Variants in EIF4ENIF1 observed in about 807,000 individuals in gnomAD.
The protein encoded by EIF4ENIF1 is eukaryotic translation initiation factor 4E nuclear import factor 1.
EIF4ENIF1 carries 23 observed loss-of-function variants against 110.5 expected under a neutral mutation model. That is an observed-to-expected ratio of 0.21 (90% CI 0.15 to 0.29). The LOEUF is 0.29. EIF4ENIF1 is among the 10% of genes least tolerant of loss of function. The pLI is 1.00. For missense variants in EIF4ENIF1, 1,031 were observed against 1,221.1 expected (o/e 0.84, Z 2.32); for synonymous variants, 440 against 437.0 (o/e 1.01, Z -0.09).
At position 31,455,902 on chromosome 22, in the gene EIF4ENIF1, C is replaced by T. The variant is rs138781990; in HGVS notation, c.1049G>A (p.Arg350Gln). The T allele has an allele frequency of 2.5e-5, 40 of 1,614,096 alleles. No homozygotes were observed. The highest frequency in any genetic ancestry group is 6.7e-5 in the Admixed American group (4 of 59,998). ...TGGTGTTGACCCAAGACTGCTGGAT[C>T]GGCTTCCTGATCTGCTCGGGTTAGA... ...WFSNPSRSGS[R>Q]SSSLGSTPHE... The change falls in exon 8 of 19, where the codon CGA (arginine) becomes CAA (glutamine). Residue 350 changes from arginine (R) to glutamine (Q), a missense_variant. This residue lies in a region of EIF4ENIF1 where 704 missense variants were observed against 879.7 expected (regional missense o/e 0.80). Coordinates refer to ENST00000330125, the MANE Select transcript of EIF4ENIF1 (RefSeq NM_019843.4).
chr22:31,487,766 G>A (rs921959735), intron 2 of EIF4ENIF1, among the ~76,000 whole-genome samples: 14 of 149,400 alleles, frequency 9.4e-5, no homozygotes, highest in African/African-American at 3.5e-4. Context: ...TTCCAGCCTC[G>A]GCGACAAAGT....
chr22:31,463,609 G>A, intron 5 of EIF4ENIF1, 72 bp downstream of exon 5: 2 of 1,408,710 alleles, frequency 1.4e-6, no homozygotes, highest in Non-Finnish European at 1.9e-6. Flanking sequence ...TCGTGCCATT[G>A]CACTCCAGCC....
intron 4 of EIF4ENIF1, among the ~76,000 whole-genome samples, chr22:31,467,144 G>C (rs901590187): frequency 6.6e-6 from 1 of 152,134 alleles, no homozygotes; most frequent in African/African-American, 2.4e-5. Context: ...TCTACTGTTG[G>C]ATATTTAGGT....
At chr22:31,438,692 T>C (rs1052279315), downstream of EIF4ENIF1, among the ~76,000 whole-genome samples, 2 of 152,168 alleles carry the variant, frequency 1.3e-5, no homozygotes, top group African/African-American at 4.8e-5. Context: ...AAGGCCATAG[T>C]TGATTTCTCC....
chr22:31,447,915 C>A (rs1401809929), intron 13 of EIF4ENIF1, among the ~76,000 whole-genome samples: 1 of 152,152 alleles, frequency 6.6e-6, no homozygotes, highest in Non-Finnish European at 1.5e-5. Context: ...CCTCAGCCTC[C>A]TGTGTAGCTG....
At chr22:31,441,662 A>G (rs911017789) in intron 17 of EIF4ENIF1, 112 bp downstream of exon 17, 1 of 938,648 alleles carries the variant, frequency 1.1e-6, no homozygotes, top group Non-Finnish European at 1.6e-6. Context: ...GGGAGAATCT[A>G]GTAACATCTT....
chr22:31,468,019 AC>A lies in EIF4ENIF1; in HGVS notation c.298+155del, dbSNP rs1452710380. ...CTGTGACAAAGTAGACTATGACTTT[AC>A]CCTGCTGATTAGGAAAAATCCAACC... On this transcript the variant is annotated intron_variant, in intron 4 of 18. Coordinates refer to ENST00000330125, the MANE Select transcript of EIF4ENIF1 (RefSeq NM_019843.4). 3.3e-5 allele frequency among the ~76,000 whole-genome samples: 5 copies of A among 152,306 alleles called. No individual in the cohort carries two copies. In the East Asian group the frequency reaches 9.6e-4, roughly 29 times the overall value.
intron 2 of EIF4ENIF1, among the ~76,000 whole-genome samples, chr22:31,475,489 C>T (rs753343932): frequency 5.9e-5 from 9 of 152,082 alleles, no homozygotes; most frequent in Non-Finnish European, 1.0e-4. Flanking sequence ...CAGTGGCTCA[C>T]GCCTGTAATC....
intron 2 of EIF4ENIF1, among the ~76,000 whole-genome samples, chr22:31,484,964 G>A (rs1186064338): frequency 1.3e-5 from 2 of 152,214 alleles, no homozygotes; most frequent in East Asian, 3.8e-4. Context: ...AAGGAAGAAG[G>A]ATGGTTTGAA....
At chr22:31,491,034 C>T (rs2052261948), upstream of EIF4ENIF1, among the ~76,000 whole-genome samples, 1 of 152,124 alleles carries the variant, frequency 6.6e-6, no homozygotes, top group Admixed American at 6.6e-5. Context: ...TGTTTTTTTA[C>T]AGGCAAGAGG....
intron 10 of EIF4ENIF1, chr22:31,453,315 A>G: frequency 2.7e-6 from 1 of 365,758 alleles, no homozygotes; most frequent in Non-Finnish European, 5.4e-6. Context: ...TTTAACTTGG[A>G]GCCACAACTT....
chr22:31,480,479 C>T (rs1343607565), intron 2 of EIF4ENIF1, among the ~76,000 whole-genome samples: 2 of 152,296 alleles, frequency 1.3e-5, no homozygotes, highest in South Asian at 2.1e-4. Flanking sequence ...TATTCCTGGG[C>T]GGGCGTGGTG....
chr22:31,440,127 G>T lies in EIF4ENIF1; in HGVS notation c.2717-6C>A. ...AGAGCCTGGAGGATGCAGAACTGTG[G>T]AGATAAGAAGGGTTATCATTCACAG... On this transcript the variant is annotated splice_polypyrimidine_tract_variant and splice_region_variant and intron_variant, in intron 18 of 18. Coordinates refer to ENST00000330125, the MANE Select transcript of EIF4ENIF1 (RefSeq NM_019843.4). 6.2e-7 allele frequency: 1 copy of T among 1,614,130 alleles called. No homozygotes were observed. Among genetic ancestry groups the T allele is most frequent in the Non-Finnish European group, 8.5e-7 (1 of 1,180,006 alleles).
chr22:31,493,123 C>T (rs1026865303), upstream of EIF4ENIF1, among the ~76,000 whole-genome samples: 3 of 151,618 alleles, frequency 2.0e-5, no homozygotes, highest in African/African-American at 7.3e-5. Flanking sequence ...AAGCTCTGCC[C>T]CCTGGGTTCA....
At chr22:31,456,128 T>C in intron 7 of EIF4ENIF1, 141 bp from the exon 8 acceptor site, 9 of 812,180 alleles carry the variant, frequency 1.1e-5, no homozygotes, top group Admixed American at 9.0e-5. Flanking sequence ...ACCTAGGAAT[T>C]TGAACACCTT....
At chr22:31,451,707 G>A (rs1016327701) in intron 10 of EIF4ENIF1, among the ~76,000 whole-genome samples, 5 of 150,338 alleles carry the variant, frequency 3.3e-5, no homozygotes. Flanking sequence ...CTCCAGGCTG[G>A]CCTTGAACTT....
intron 7 of EIF4ENIF1, among the ~76,000 whole-genome samples, chr22:31,456,276 T>G (rs867011281): frequency 2.0e-5 from 3 of 149,904 alleles, no homozygotes; most frequent in East Asian, 2.0e-4. Context: ...CAGGCTGGAG[T>G]GCAGTGGCAC....
At chr22:31,484,519 C>G (rs1451819717) in intron 2 of EIF4ENIF1, among the ~76,000 whole-genome samples, 1 of 151,660 alleles carries the variant, frequency 6.6e-6, no homozygotes, top group Non-Finnish European at 1.5e-5. Context: ...CTACAAGTTT[C>G]CACAGAATAC....
rs886595436 is a variant in EIF4ENIF1, at chr22:31,477,367, AAAAAAAACAAAAAAAAC to A, written c.97-5467_97-5451del. On this transcript the variant is annotated intron_variant, in intron 2 of 18. Transcript: ENST00000330125. ...CAAGACCTCTGTCTCCAAAAAAAAA[AAAAAAAACAAAAAAAAC>A]AAAAAAAGAGAATTTGAAATTGAGA... Among the ~76,000 whole-genome samples the A allele has an allele frequency of 2.8e-4, 37 of 134,146 alleles. No homozygotes were observed. The South Asian group carries it at 7.3e-3, about 26-fold the overall frequency. The allele number at this position is 134,146 out of a possible 152,430, so 88.0% of individuals were successfully genotyped here.
Sources: allele counts gnomAD v4.1 joint callset (sites outside exome capture counted in the v4.1 genomes callset), GRCh38; gene constraint gnomAD v4.1.1; regional missense constraint gnomAD v4.1.1; transcripts MANE v1.5; gene names NCBI Gene and HGNC (gene_info 2026-07-23, HGNC 2026-07-21).